Variants in HTT observed in about 807,000 individuals in gnomAD.
HTT encodes huntington disease protein.
Under a neutral mutation model 362.3 loss-of-function variants are expected in HTT, and 104 were observed. That is an observed-to-expected ratio of 0.29 (90% confidence interval 0.24 to 0.34). The LOEUF is 0.34. Ranked by LOEUF, HTT falls within the 10% of genes least tolerant of loss-of-function variation. HTT has a pLI of 1.00. For missense variants in HTT, 3,301 were observed against 3,928.6 expected, an observed-to-expected ratio of 0.84 and a Z score of 4.27; for synonymous variants, 1,577 against 1,548.7, an observed-to-expected ratio of 1.02 and a Z score of -0.43.
At chr4:3,109,504 C>G (rs945290451) in intron 6 of HTT, among the ~76,000 whole-genome samples, 7 of 152,116 alleles carry the variant, frequency 4.6e-5, no homozygotes, top group Non-Finnish European at 8.8e-5. Flanking sequence ...GGATTACAGG[C>G]GTGAGCCACT....
At position 3,238,508 on chromosome 4, in the gene HTT, G is replaced by C; in HGVS notation, c.8953G>C (p.Asp2985His). ...GGCCAGGATCCTGCCCCAGTTTCTA[G>C]ACGACTTCTTCCCACCCCAGGACAT... ...VVARILPQFLDDFFPPQDIMN... is the reference protein window; with the variant it reads ...VVARILPQFLHDFFPPQDIMN... Residue 2985 changes from aspartate (D) to histidine (H), a missense_variant, in exon 65 of 67, where the codon GAC becomes CAC. Transcript: ENST00000355072. 6.2e-7 allele frequency: 1 copy of C among 1,613,514 alleles called. No homozygotes were observed. The highest frequency in any genetic ancestry group is 8.5e-7 in the Non-Finnish European group (1 of 1,179,730).
At chr4:3,100,931 G>A (rs1714122050) in intron 3 of HTT, among the ~76,000 whole-genome samples, 1 of 152,200 alleles carries the variant, frequency 6.6e-6, no homozygotes, top group South Asian at 2.1e-4. Context: ...ATCTCGCCAG[G>A]TTGCCCAGGC....
chr4:3,234,803 A>G (rs1340384620), intron 61 of HTT, among the ~76,000 whole-genome samples: 1 of 152,168 alleles, frequency 6.6e-6, no homozygotes, highest in African/African-American at 2.4e-5. Flanking sequence ...TCCTCTGTTC[A>G]CAGTGGCCAC....
chr4:3,236,134 A>G lies in HTT; in HGVS notation c.8786-15A>G, dbSNP rs1721518386. On this transcript the variant is annotated splice_polypyrimidine_tract_variant and intron_variant, in intron 63 of 66. Transcript: ENST00000355072. ...TGTATAGAGGTAACCTTCGTACTGA[A>G]CACTTTTGTTACAGGAAAGGAGAAA... 1 of 1,595,350 alleles carries G rather than the reference A, an allele frequency of 6.3e-7. No homozygotes were observed. The highest frequency in any genetic ancestry group is 1.3e-5 in the African/African-American group (1 of 74,520).
In HTT at chr4:3,105,408, G is replaced by T. The variant is rs953211645; in HGVS notation, c.580G>T (p.Ala194Ser). 4 of 1,613,808 alleles carry T rather than the reference G, an allele frequency of 2.5e-6. No homozygotes were observed. The African/African-American group carries it at 5.3e-5, about 22-fold the overall frequency. ...TGCCCTGTGGAGGTTTGCTGAGCTGGCTCACCTGGTTCGGCCTCAGAAATG... is the reference window on the plus strand; with the variant it reads ...TGCCCTGTGGAGGTTTGCTGAGCTGTCTCACCTGGTTCGGCCTCAGAAATG... ...RAALWRFAELAHLVRPQKCRP... is the reference protein window; with the variant it reads ...RAALWRFAELSHLVRPQKCRP... The change falls in exon 5 of 67, where the codon GCT (alanine) becomes TCT (serine). Residue 194 changes from alanine (A) to serine (S), a missense_variant. This residue lies in a region of HTT where 2,316 missense variants were observed against 2,658.5 expected (regional missense o/e 0.87). Coordinates refer to ENST00000355072, the MANE Select transcript of HTT (RefSeq NM_001388492.1).
At chr4:3,082,641 C>T (rs1186210522) in intron 1 of HTT, among the ~76,000 whole-genome samples, 1 of 152,164 alleles carries the variant, frequency 6.6e-6, no homozygotes, top group Non-Finnish European at 1.5e-5. Context: ...CTTACATGCA[C>T]ATTGGAGTTT....
rs536340893 is a variant in HTT at position 3,154,248 on chromosome 4, CAT to C, written c.3499-44_3499-43del. The C allele has an allele frequency of 1.6e-3, 2,245 of 1,437,028 alleles. 11 individuals are homozygous for C. Among genetic ancestry groups the C allele is most frequent in the Middle Eastern group, 6.5e-3 (34 of 5,210 alleles). 89.0% of individuals were successfully genotyped at this position (1,437,028 alleles called of 1,614,324 possible). ...TTTCAGTTTTGTTATACTTCCATCA[CAT>C]GTTTTTGTTTTTTTGTTTTTTGTTT... On this transcript the variant is annotated intron_variant, in intron 26 of 66. Transcript: ENST00000355072.
chr4:3,116,010 C>CT, intron 7 of HTT, 75 bp from the exon 8 acceptor site: 8 of 1,374,822 alleles, frequency 5.8e-6, no homozygotes, highest in African/African-American at 1.4e-5. Context: ...AGGATCTCTT[C>CT]TTTTTTAACA....
chr4:3,213,877 G>A (rs1298513657), intron 49 of HTT, 81 bp from the exon 50 acceptor site: 33 of 1,321,694 alleles, frequency 2.5e-5, no homozygotes, highest in Non-Finnish European at 3.0e-5. Context: ...TGCTTTGGAC[G>A]GTTCCACAAC....
chr4:3,145,675 A>G (rs1436947027), intron 24 of HTT, among the ~76,000 whole-genome samples: 1 of 152,244 alleles, frequency 6.6e-6, no homozygotes. Flanking sequence ...AGATGGCCCT[A>G]CTAGCATCTG....
At chr4:3,203,357 G>A (rs563968344) in intron 41 of HTT, among the ~76,000 whole-genome samples, 47 of 152,302 alleles carry the variant, frequency 3.1e-4, no homozygotes, top group Middle Eastern at 6.8e-3. Context: ...GACGTCGCTC[G>A]GTCAGACCCT....
At chr4:3,088,193 T>G (rs1713312008) in intron 2 of HTT, among the ~76,000 whole-genome samples, 1 of 150,184 alleles carries the variant, frequency 6.7e-6, no homozygotes, top group South Asian at 2.1e-4. Context: ...CTTTTGTTTT[T>G]TTTTTTTTTT....
At position 3,195,420 on chromosome 4, in the gene HTT, G is replaced by A. The variant is rs114811858; in HGVS notation, c.5369-4312G>A. Among the ~76,000 whole-genome samples, 189 of 152,012 alleles carry A rather than the reference G, an allele frequency of 1.2e-3. 1 individual carries two copies. The highest frequency in any genetic ancestry group is 4.4e-3 in the African/African-American group (184 of 41,460). On this transcript the variant is annotated intron_variant, in intron 40 of 66. Coordinates refer to ENST00000355072, the MANE Select transcript of HTT (RefSeq NM_001388492.1). ...GCAGCCTGCATCCGCCTTCCTGCCC[G>A]CCTCCTTTCCTGCACTGCCATCGTG...
At position 3,207,300 on chromosome 4, in the gene HTT, C is replaced by A; in HGVS notation, c.6095C>A (p.Pro2032Gln). 1 of 1,613,800 alleles carries A rather than the reference C, an allele frequency of 6.2e-7. No individual in the cohort carries two copies. The highest frequency in any genetic ancestry group is 8.5e-7 in the Non-Finnish European group (1 of 1,179,880). ...TATTAGAGCAGCATGGCCCAGTTGCCAATGGAAGAACTCAACAGAATCCAG... is the reference window on the plus strand; with the variant it reads ...TATTAGAGCAGCATGGCCCAGTTGCAAATGGAAGAACTCAACAGAATCCAG... ...ANLQSSMAQL[P>Q]MEELNRIQEY... is the part of the protein sequence containing the mutation. The change falls in exon 45 of 67, where the codon CCA (proline) becomes CAA (glutamine). Residue 2032 changes from proline (P) to glutamine (Q), a missense_variant. Pro to Gln is a moderately conservative substitution (Grantham distance 76). Around this residue, in one of 4 missense-constraint regions of HTT, gnomAD observed 2,316 missense variants for 2,658.5 expected, o/e 0.87. Transcript: ENST00000355072.
At chr4:3,140,939 C>G (rs903201747) in intron 22 of HTT, among the ~76,000 whole-genome samples, 7 of 151,518 alleles carry the variant, frequency 4.6e-5, no homozygotes, top group Non-Finnish European at 1.0e-4. Context: ...GTGACACTTA[C>G]GTATTATCTG....
chr4:3,218,614 C>T lies in HTT; in HGVS notation c.7242+662C>T, dbSNP rs912571189. Among the ~76,000 whole-genome samples, 1 of 151,068 alleles carries T rather than the reference C, an allele frequency of 6.6e-6. No homozygotes were observed. Among genetic ancestry groups the T allele is most frequent in the Non-Finnish European group, 1.5e-5 (1 of 67,864 alleles). On this transcript the variant is annotated intron_variant, in intron 52 of 66. Transcript: ENST00000355072. This position sits in a 1 kb window ranked among gnomAD's most constrained non-coding sequence, Gnocchi z 4.4. ...CGCCACTGCACTCTAGCCTGGGCAA[C>T]AGAGCAAGACTCCGTCTCAAAAAAA... is the stretch of plus-strand genomic sequence containing the variant.
chr4:3,114,297 G>A (rs757792756), intron 6 of HTT, among the ~76,000 whole-genome samples: 1 of 152,222 alleles, frequency 6.6e-6, no homozygotes, highest in Non-Finnish European at 1.5e-5. Context: ...CAACCTTCCA[G>A]TGTGGGCATT....
Position 3,238,854 on chromosome 4 carries a change from A to G in HTT, c.9091A>G (p.Met3031Val), listed in dbSNP as rs749355880. Residue 3031 changes from methionine (M) to valine (V), a missense_variant, in exon 66 of 67, where the codon ATG becomes GTG. Met to Val is a conservative substitution (Grantham distance 21). Transcript: ENST00000355072. ...TCTGCACAGCACCGGGCAGTCGTCC[A>G]TGGTCCGGGACTGGGTCATGCTGTC... ...QTLHSTGQSS[M>V]VRDWVMLSLS... 7 of 1,611,342 alleles carry G rather than the reference A, an allele frequency of 4.3e-6. No homozygotes were observed. The highest frequency in any genetic ancestry group is 1.7e-5 in the Admixed American group (1 of 59,766).
At position 3,212,546 on chromosome 4, in the gene HTT, G is replaced by A. The variant is rs767594506; in HGVS notation, c.6629-18G>A. The stretch of plus-strand genomic sequence containing the variant: ...TGTGCTCACGTTTGCACCCACCCAC[G>A]AGGTCCTTCTGTTTCAGGGGATGCT... On this transcript the variant is annotated intron_variant, in intron 48 of 66. Transcript: ENST00000355072. The A allele has an allele frequency of 6.8e-6, 11 of 1,611,348 alleles. No homozygotes were observed. The Admixed American group carries it at 1.3e-4, about 20-fold the overall frequency.
Sources: gnomAD v4.1 joint callset for allele counts (sites outside exome capture counted in the v4.1 genomes callset) on GRCh38, gnomAD v4.1.1 for gene constraint, gnomAD v4.1.1 regional missense constraint, Gnocchi (gnomAD v3.1) non-coding constraint, MANE v1.5 for transcripts, NCBI Gene and HGNC (gene_info 2026-07-23, HGNC 2026-07-21) for gene names.